ZBTB16: variants seen among roughly 807,000 people sequenced by gnomAD.
ZBTB16 encodes zinc finger and BTB domain-containing protein 16.
ZBTB16 carries 8 observed loss-of-function variants against 56.8 expected under a neutral mutation model. The ratio of observed to expected loss-of-function variants is 0.14; its 90% CI spans 0.08 to 0.25. ZBTB16 has a LOEUF of 0.25. Among genes scored for constraint, ZBTB16 ranks in the 10% least tolerant of loss-of-function variants. ZBTB16 has a pLI of 1.00. For missense variants in ZBTB16, 625 were observed against 903.0 expected (o/e 0.69, Z 3.95); for synonymous variants, 363 against 368.5 (o/e 0.98, Z 0.17).
chr11:114,062,433 G>A (rs1179808856), intron 1 of ZBTB16, among the ~76,000 whole-genome samples: 3 of 152,208 alleles, frequency 2.0e-5, no homozygotes, highest in Non-Finnish European at 2.9e-5. Context: ...TCTCTGGCTG[G>A]TGTACATACA....
intron 2 of ZBTB16, among the ~76,000 whole-genome samples, chr11:114,117,000 G>A (rs1941192811): frequency 6.6e-6 from 1 of 152,154 alleles, no homozygotes; most frequent in African/African-American, 2.4e-5. Context: ...AGGTGAAGCA[G>A]CAATTGACTA....
chr11:114,174,974 A>G (rs908503880), intron 3 of ZBTB16, among the ~76,000 whole-genome samples: 2 of 152,240 alleles, frequency 1.3e-5, no homozygotes, highest in African/African-American at 4.8e-5. Flanking sequence ...GGATGTTGAC[A>G]GAACTGAGAT....
At chr11:114,205,138 G>C (rs189304775) in intron 4 of ZBTB16, among the ~76,000 whole-genome samples, 2 of 152,202 alleles carry the variant, frequency 1.3e-5, no homozygotes, top group Admixed American at 6.5e-5. Context: ...GGCCGGGCGC[G>C]GTGGCTTATG....
chr11:114,108,968 G>A (rs910382631), intron 2 of ZBTB16, among the ~76,000 whole-genome samples: 1 of 152,208 alleles, frequency 6.6e-6, no homozygotes, highest in African/African-American at 2.4e-5. Flanking sequence ...TTGCCGCTCT[G>A]CCTACCTCCT....
At chr11:114,187,071 T>C in intron 4 of ZBTB16, 33 bp downstream of exon 4, 1 of 1,604,224 alleles carries the variant, frequency 6.2e-7, no homozygotes, top group Non-Finnish European at 8.5e-7. Context: ...TCTCCAGGTT[T>C]TCCACAGTGT....
At chr11:114,194,734 ACG>A (rs1943569732) in intron 4 of ZBTB16, among the ~76,000 whole-genome samples, 1 of 152,218 alleles carries the variant, frequency 6.6e-6, no homozygotes, top group African/African-American at 2.4e-5. Flanking sequence ...ACATACGTGC[ACG>A]TGCACACCCC....
intron 2 of ZBTB16, among the ~76,000 whole-genome samples, chr11:114,139,418 C>T (rs1053904130): frequency 9.9e-5 from 15 of 152,198 alleles, no homozygotes; most frequent in African/African-American, 3.6e-4. Context: ...GTGATCATTT[C>T]AGCTTTATTT....
chr11:114,118,576 C>CT (rs1316008965), intron 2 of ZBTB16, among the ~76,000 whole-genome samples: 5 of 152,160 alleles, frequency 3.3e-5, no homozygotes, highest in Admixed American at 2.0e-4. Flanking sequence ...ATTTACCTAT[C>CT]TATCAGTCAT....
chr11:114,137,803 G>A (rs763189886), intron 2 of ZBTB16, among the ~76,000 whole-genome samples: 4 of 152,138 alleles, frequency 2.6e-5, no homozygotes, highest in Non-Finnish European at 5.9e-5. Context: ...CTGGAGTAAG[G>A]GGCTTTCTGG....
rs569025241 is a variant in ZBTB16 at position 114,060,755 on chromosome 11, C to T, written c.-91+873C>T. ...ACGGAGCGCTCCGCACCGACTCGCTCGCCGCCTCCCCGAGACGCTCGCACC... is the reference window on the plus strand; with the variant it reads ...ACGGAGCGCTCCGCACCGACTCGCTTGCCGCCTCCCCGAGACGCTCGCACC... On this transcript the variant is annotated intron_variant, in intron 1 of 6. Coordinates refer to ENST00000335953, the MANE Select transcript of ZBTB16 (RefSeq NM_006006.6). The surrounding 1 kb of genome is among the most constrained non-coding windows in gnomAD (Gnocchi z 6.0). 3.3e-5 allele frequency among the ~76,000 whole-genome samples: 5 copies of T among 152,198 alleles called. No individual in the cohort carries two copies. In the South Asian group the frequency reaches 8.3e-4, roughly 25 times the overall value.
chr11:114,074,486 T>C (rs959710618), intron 2 of ZBTB16, among the ~76,000 whole-genome samples: 15 of 152,208 alleles, frequency 9.9e-5, no homozygotes, highest in Admixed American at 4.6e-4. Flanking sequence ...GGGTCTACTA[T>C]GGCAAAACCC....
chr11:114,227,187 G>C (rs1275822054), intron 4 of ZBTB16, among the ~76,000 whole-genome samples: 1 of 152,170 alleles, frequency 6.6e-6, no homozygotes, highest in Non-Finnish European at 1.5e-5. Context: ...TGTCCCTGAG[G>C]TCTGCAGGAA....
At chr11:114,109,699 G>A (rs781334313) in intron 2 of ZBTB16, among the ~76,000 whole-genome samples, 9 of 151,872 alleles carry the variant, frequency 5.9e-5, no homozygotes, top group Non-Finnish European at 1.0e-4. Context: ...GTTGGGGGAG[G>A]GGAGAGATTT....
intron 3 of ZBTB16, among the ~76,000 whole-genome samples, chr11:114,186,370 G>A (rs927821541): frequency 6.6e-6 from 1 of 152,184 alleles, no homozygotes; most frequent in South Asian, 2.1e-4. Context: ...GGAAAGAGGA[G>A]CACACCCAGA....
In ZBTB16 at chr11:114,201,569, C is replaced by T. The variant is rs141471038; in HGVS notation, c.1453+14531C>T. On this transcript the variant is annotated intron_variant, in intron 4 of 6. Coordinates refer to ENST00000335953, the MANE Select transcript of ZBTB16 (RefSeq NM_006006.6). ...TTCCTTAGGGATGCTGATTGCAACACTATTTGTAATTGCAAAGCAATGAGA... is the reference window on the plus strand; with the variant it reads ...TTCCTTAGGGATGCTGATTGCAACATTATTTGTAATTGCAAAGCAATGAGA... 3.0e-3 allele frequency among the ~76,000 whole-genome samples: 464 copies of T among 152,252 alleles called. 1 individual carries two copies. Among genetic ancestry groups the T allele is most frequent in the Non-Finnish European group, 5.0e-3 (337 of 68,022 alleles).
intron 2 of ZBTB16, among the ~76,000 whole-genome samples, chr11:114,077,502 A>C (rs1331029706): frequency 6.6e-6 from 1 of 151,046 alleles, no homozygotes. Context: ...CTGACCCCCG[A>C]CTCTCACCTG....
intron 2 of ZBTB16, among the ~76,000 whole-genome samples, chr11:114,122,370 A>G (rs1038362042): frequency 6.6e-6 from 1 of 152,200 alleles, no homozygotes; most frequent in African/African-American, 2.4e-5. Context: ...ATGCACATTT[A>G]CTGTGGGGGT....
chr11:114,064,471 C>T lies in ZBTB16; in HGVS notation c.1171C>T (p.Leu391=), dbSNP rs368196682. Residue 391 remains leucine, a synonymous_variant, in exon 2 of 7, where the codon CTG becomes TTG. Coordinates refer to ENST00000335953, the MANE Select transcript of ZBTB16 (RefSeq NM_006006.6). The surrounding 1 kb of genome is among the most constrained non-coding windows in gnomAD (Gnocchi z 4.2). ...GGAGCTGTTCAGCAAGCTGGGGGAG[C>T]TGGCTGTGGGCATGAAGTCAGAGAG... ...QRELFSKLGE[L]AVGMKSESRT... The T allele has an allele frequency of 2.5e-6, 4 of 1,614,004 alleles. No homozygotes were observed. Among genetic ancestry groups the T allele is most frequent in the African/African-American group, 2.7e-5 (2 of 74,918 alleles).
intron 4 of ZBTB16, among the ~76,000 whole-genome samples, chr11:114,194,094 A>T (rs1395625011): frequency 6.6e-6 from 1 of 152,018 alleles, no homozygotes; most frequent in Non-Finnish European, 1.5e-5. Context: ...CTCTTTTGGA[A>T]CCCTGTGCTC....
Sources: gnomAD v4.1 joint callset for allele counts (sites outside exome capture counted in the v4.1 genomes callset) on GRCh38, gnomAD v4.1.1 for gene constraint, Gnocchi (gnomAD v3.1) non-coding constraint, MANE v1.5 for transcripts, NCBI Gene and HGNC (gene_info 2026-07-23, HGNC 2026-07-21) for gene names.